The following SGPL1 variants were observed in gnomAD, a reference collection of about 807,000 sequenced individuals.
SGPL1 encodes sphingosine-1-phosphate lyase 1.
SGPL1 carries 37 observed loss-of-function variants against 68.9 expected under a neutral mutation model. That is an observed-to-expected ratio of 0.54 (90% CI 0.41 to 0.71). The LOEUF (loss-of-function observed/expected upper bound fraction) is 0.71, where lower values mean the gene tolerates loss of function less well. Among genes scored for constraint, SGPL1 ranks in the 30% least tolerant of loss-of-function variants. SGPL1 has a pLI of 0.00. For synonymous variants in SGPL1, 236 were observed against 248.5 expected, an observed-to-expected ratio of 0.95 and a Z score of 0.47; for missense variants, 551 against 704.6, an observed-to-expected ratio of 0.78 and a Z score of 2.47.
At chr10:70,865,501 A>G (rs990667658) in intron 7 of SGPL1, among the ~76,000 whole-genome samples, 5 of 152,182 alleles carry the variant, frequency 3.3e-5, no homozygotes, top group Admixed American at 6.5e-5. Flanking sequence ...ATAACTAATC[A>G]GCACTGGTAT....
chr10:70,844,802 T>G (rs1433842796), intron 3 of SGPL1, among the ~76,000 whole-genome samples, 164 bp downstream of exon 3: 2 of 152,182 alleles, frequency 1.3e-5, no homozygotes, highest in Non-Finnish European at 2.9e-5. Flanking sequence ...TGCACTGGCC[T>G]GATCTTGGCT....
In SGPL1 at chr10:70,854,894, A is replaced by G. The variant is rs774972136; in HGVS notation, c.409+39A>G. On this transcript the variant is annotated intron_variant, in intron 5 of 14. Transcript: ENST00000373202. ...CATATACATGCTCTCTACTTCCTTA[A>G]AGAGACAGGTTTTGTCATTGTTTAA... 1.4e-5 allele frequency: 21 copies of G among 1,510,136 alleles called. 1 individual carries two copies. The highest frequency in any genetic ancestry group is 1.4e-4 in the Admixed American group (6 of 44,140). The allele number at this position is 1,510,136 out of a possible 1,614,324, so 93.5% of individuals were successfully genotyped here. A position where few individuals can be genotyped will look rare whatever the true frequency, so the allele number is the denominator to read the frequency against.
chr10:70,851,076 G>C, intron 3 of SGPL1, 67 bp from the exon 4 acceptor site: 1 of 1,230,888 alleles, frequency 8.1e-7, no homozygotes, highest in Non-Finnish European at 1.2e-6. Context: ...CACATTGAAT[G>C]GTTGCTATAT....
intron 12 of SGPL1, among the ~76,000 whole-genome samples, chr10:70,874,855 T>C (rs1365903288): frequency 5.3e-5 from 8 of 152,166 alleles, no homozygotes; most frequent in Admixed American, 5.2e-4. Flanking sequence ...CAGTGAGCTA[T>C]GATCACACCA....
intron 12 of SGPL1, 59 bp from the exon 13 acceptor site, chr10:70,875,343 A>G: frequency 9.2e-7 from 1 of 1,083,112 alleles, no homozygotes; most frequent in African/African-American, 1.5e-5. Flanking sequence ...GATAGTGACC[A>G]GGGGATTGTA....
At chr10:70,828,761 A>G (rs1223887109) in intron 2 of SGPL1, among the ~76,000 whole-genome samples, 1 of 152,184 alleles carries the variant, frequency 6.6e-6, no homozygotes, top group African/African-American at 2.4e-5. Flanking sequence ...TTTATACTCA[A>G]TATTGGGGGA....
intron 2 of SGPL1, among the ~76,000 whole-genome samples, chr10:70,821,811 G>A (rs1001625828): frequency 4.6e-5 from 7 of 151,068 alleles, no homozygotes; most frequent in Non-Finnish European, 5.9e-5. Flanking sequence ...GGAGGTTAAC[G>A]TGTCTGTTAT....
chr10:70,852,373 T>C (rs78693917), intron 4 of SGPL1, among the ~76,000 whole-genome samples: 11,613 of 152,222 alleles, frequency 0.076, 602 homozygotes, highest in African/African-American at 0.12. Flanking sequence ...AATGTGAGCA[T>C]ATAGGCTTCT....
At chr10:70,854,987 C>T in intron 5 of SGPL1, 132 bp downstream of exon 5, 1 of 709,334 alleles carries the variant, frequency 1.4e-6, no homozygotes, top group Non-Finnish European at 2.1e-6. Context: ...CTCTCTGTTT[C>T]ACAGGTTGAA....
chr10:70,876,395 C>T, intron 13 of SGPL1, 146 bp from the exon 14 acceptor site: 1 of 690,998 alleles, frequency 1.4e-6, no homozygotes, highest in East Asian at 3.0e-5. Flanking sequence ...AGCCGAGATT[C>T]CCAGGACTAG....
chr10:70,848,527 C>T (rs182084766), intron 3 of SGPL1, among the ~76,000 whole-genome samples: 58 of 136,730 alleles, frequency 4.2e-4, no homozygotes, highest in African/African-American at 1.3e-3. Flanking sequence ...TGCAGTGGCA[C>T]GATCTCGGCT....
chr10:70,833,667 G>T (rs1037520993), intron 2 of SGPL1, among the ~76,000 whole-genome samples: 6 of 152,012 alleles, frequency 3.9e-5, no homozygotes, highest in East Asian at 1.9e-4. Context: ...TTTTTTTGGT[G>T]GGGGGGCAGA....
At chr10:70,817,286 T>TG (rs1401921499) in intron 2 of SGPL1, among the ~76,000 whole-genome samples, 57 of 152,264 alleles carry the variant, frequency 3.7e-4, no homozygotes, top group African/African-American at 1.3e-3. Flanking sequence ...CCCGAAGTGC[T>TG]GGGATTCCAG....
At chr10:70,816,689 G>T in intron 1 of SGPL1, 122 bp from the exon 2 acceptor site, 1 of 744,734 alleles carries the variant, frequency 1.3e-6, no homozygotes. Flanking sequence ...TGATATCTGG[G>T]AATGAAATCT....
intron 3 of SGPL1, among the ~76,000 whole-genome samples, chr10:70,844,843 G>C (rs1845767544): frequency 6.6e-6 from 1 of 152,156 alleles, no homozygotes; most frequent in African/African-American, 2.4e-5. Flanking sequence ...AGGTTCAAGT[G>C]ATTCTCCTAC....
At chr10:70,861,197 TAAA>T (rs1001133559) in intron 7 of SGPL1, among the ~76,000 whole-genome samples, 1 of 143,934 alleles carries the variant, frequency 6.9e-6, no homozygotes, top group Admixed American at 6.9e-5. Context: ...CAAGACAGAT[TAAA>T]AAAAAAAAGT....
intron 2 of SGPL1, among the ~76,000 whole-genome samples, chr10:70,818,884 G>T (rs1378107854): frequency 6.6e-6 from 1 of 152,130 alleles, no homozygotes; most frequent in African/African-American, 2.4e-5. Context: ...AAGGAAAGGG[G>T]ATTTGTTAAT....
At position 70,871,974 on chromosome 10, in the gene SGPL1, T is replaced by C. The variant is rs528646586; in HGVS notation, c.1047T>C (p.Ala349=). 1.2e-6 allele frequency: 2 copies of C among 1,614,140 alleles called. No individual in the cohort carries two copies. The highest frequency in any genetic ancestry group is 2.2e-5 in the South Asian group (2 of 91,074). Residue 349 remains alanine, a synonymous_variant, in exon 11 of 15, where the codon GCT becomes GCC. Transcript: ENST00000373202. ...FRVKGVTSIS[A]DTHKYGYAPK... Reference sequence around the variant, plus strand: ...TGAAAGGTGTAACCAGCATTTCAGCTGACACCCATAAGGTGAGCTAAGGAG... The same window carrying C: ...TGAAAGGTGTAACCAGCATTTCAGCCGACACCCATAAGGTGAGCTAAGGAG...
intron 2 of SGPL1, among the ~76,000 whole-genome samples, chr10:70,843,163 A>C (rs927031621): frequency 1.3e-5 from 2 of 152,150 alleles, no homozygotes; most frequent in Non-Finnish European, 2.9e-5. Flanking sequence ...TCAGAGTTAG[A>C]TAGTCCTTCC....
Sources: allele counts gnomAD v4.1 joint callset (sites outside exome capture counted in the v4.1 genomes callset), GRCh38; gene constraint gnomAD v4.1.1; transcripts MANE v1.5; gene names NCBI Gene and HGNC (gene_info 2026-07-23, HGNC 2026-07-21).